PPM1J: variants seen among roughly 807,000 people sequenced by gnomAD.
The protein encoded by PPM1J is protein phosphatase, Mg2+/Mn2+ dependent 1J, also known as protein phosphatase 1J.
Under a neutral mutation model 53.3 loss-of-function variants are expected in PPM1J, and 43 were observed. The observed-to-expected ratio is 0.81, with a 90% CI of 0.63 to 1.04. PPM1J has a LOEUF of 1.04. Among genes scored for constraint, PPM1J ranks in the 50% least tolerant of loss-of-function variants. The probability of loss-of-function intolerance (pLI) is 0.00; values close to 1 mark genes in which losing one functional copy is unlikely to be tolerated. For synonymous variants in PPM1J, 267 were observed against 286.4 expected (o/e 0.93, Z 0.68); for missense variants, 635 against 685.9 (o/e 0.93, Z 0.83).
rs36095892 is a variant in PPM1J at position 112,713,064 on chromosome 1, T to TTGTGTG, written c.442-39_442-34dup. On this transcript the variant is annotated intron_variant, in intron 2 of 9. Coordinates refer to ENST00000309276, the MANE Select transcript of PPM1J (RefSeq NM_005167.7). ...AGGAAAAGTTGGAGGTGAGTTTTGTTTGTGTGTGTGTGTGTGTGTGTGTGT... is the reference window on the plus strand; with the variant it reads ...AGGAAAAGTTGGAGGTGAGTTTTGTTTGTGTGTGTGTGTGTGTGTGTGTGTGTGTGT... 9,441 of 1,031,526 alleles carry TTGTGTG rather than the reference T, an allele frequency of 9.2e-3. 201 individuals are homozygous for TTGTGTG. Among genetic ancestry groups the TTGTGTG allele is most frequent in the African/African-American group, 0.083 (5,076 of 61,240 alleles). 63.9% of individuals were successfully genotyped at this position (1,031,526 alleles called of 1,614,324 possible).
At chr1:112,714,800 T>A in intron 1 of PPM1J, 176 bp downstream of exon 1, 1 of 1,268,908 alleles carries the variant, frequency 7.9e-7, no homozygotes, top group East Asian at 3.2e-5. Flanking sequence ...TGCCCCCCAC[T>A]GGAAAATGGG....
Position 112,713,026 on chromosome 1 carries a change from G to C in PPM1J, c.447C>G (p.Leu149=). Residue 149 remains leucine (L), a synonymous_variant, in exon 3 of 10, where the codon CTC becomes CTG. Coordinates refer to ENST00000309276, the MANE Select transcript of PPM1J (RefSeq NM_005167.7). ...VPREPSRGQG[L]CFYYWGLFDG... ...CAAATAGGCCCCAGTAGTAGAAGCAGAGTCCCTGGTGGAGGAAAAGTTGGA... is the reference window on the plus strand; with the variant it reads ...CAAATAGGCCCCAGTAGTAGAAGCACAGTCCCTGGTGGAGGAAAAGTTGGA... 6.3e-7 allele frequency: 1 copy of C among 1,597,112 alleles called. No homozygotes were observed. Among genetic ancestry groups the C allele is most frequent in the African/African-American group, 1.3e-5 (1 of 74,530 alleles).
chr1:112,715,135 GTCGCGCTCCCGCTCCCAGCCT>G lies in PPM1J; in HGVS notation c.146_166del (p.Lys49_Ala55del). The G allele has an allele frequency of 6.5e-7, 1 of 1,550,198 alleles. No homozygotes were observed. The highest frequency in any genetic ancestry group is 1.2e-5 in the South Asian group (1 of 85,312). ...TCGAGCCTCAACAGCCTTCGCGGGC[GTCGCGCTCCCGCTCCCAGCCT>G]TCGCGGGAGGGCTCCTGGGCGCTTC... On this transcript the variant is annotated inframe_deletion, in exon 1 of 10. Transcript: ENST00000309276. This position sits in a 1 kb window ranked among gnomAD's most constrained non-coding sequence, Gnocchi z 4.4.
At chr1:112,714,953 T>C (rs1675161734) in intron 1 of PPM1J, 23 bp downstream of exon 1, 2 of 1,367,470 alleles carry the variant, frequency 1.5e-6, no homozygotes, top group Middle Eastern at 2.2e-4. Flanking sequence ...CATCCTGGTT[T>C]GGGTGCCCCA....
chr1:112,714,943 C>T, intron 1 of PPM1J, 33 bp downstream of exon 1: 1 of 1,351,056 alleles, frequency 7.4e-7, no homozygotes, highest in East Asian at 3.1e-5. Flanking sequence ...GTGGGAGCCC[C>T]ATCCTGGTTT....
chr1:112,712,937 TCTCG>T lies in PPM1J; in HGVS notation c.532_535del (p.Arg178SerfsTer3). On this transcript the variant is annotated frameshift_variant, in exon 3 of 10. Transcript: ENST00000309276. LOFTEE classifies it high-confidence loss of function. Reference sequence around the variant, plus strand: ...TATCTCTACCAGGTCCTTTAGCTGCTCTCGGATATGGCGATGCAGGAGCCGTGAG... The same window carrying T: ...TATCTCTACCAGGTCCTTTAGCTGCTGATATGGCGATGCAGGAGCCGTGAG... The T allele has an allele frequency of 6.2e-7, 1 of 1,613,924 alleles. No homozygotes were observed. Among genetic ancestry groups the T allele is most frequent in the Non-Finnish European group, 8.5e-7 (1 of 1,179,994 alleles).
rs1675101490 is a variant in PPM1J, at chr1:112,712,920, C to T, written c.553G>A (p.Val185Ile). 2 of 1,614,000 alleles carry T rather than the reference C, an allele frequency of 1.2e-6. No individual in the cohort carries two copies. The highest frequency in any genetic ancestry group is 2.7e-5 in the African/African-American group (2 of 75,026). Residue 185 changes from valine to isoleucine, a missense_variant, in exon 3 of 10, where the codon GTA becomes ATA. By Grantham distance (29) the Val-to-Ile change is conservative. Transcript: ENST00000309276. Reference sequence around the variant, plus strand: ...GGCGAAGGGTCCTGAAGTATCTCTACCAGGTCCTTTAGCTGCTCTCGGATA... The same window carrying T: ...GGCGAAGGGTCCTGAAGTATCTCTATCAGGTCCTTTAGCTGCTCTCGGATA... ...RHIREQLKDL[V>I]EILQDPSPPP... is the part of the protein sequence containing the mutation.
In PPM1J at chr1:112,710,774, G is replaced by A; in HGVS notation, c.1188C>T (p.Pro396=). ...HSLKVCSSTL[P]IKPFLSCFPE... is the part of the protein sequence containing the mutation. ...GGAAGCAGGAGAGAAAGGGCTTGAT[G>A]GGCAGGGTGGAACTGCAGACCTTAA... Residue 396 remains proline, a synonymous_variant, in exon 8 of 10, where the codon CCC becomes CCT. Coordinates refer to ENST00000309276, the MANE Select transcript of PPM1J (RefSeq NM_005167.7). The A allele has an allele frequency of 6.2e-7, 1 of 1,614,088 alleles. No individual in the cohort carries two copies.
In PPM1J at chr1:112,715,311, C is replaced by G. The variant is rs1675177059; in HGVS notation, c.-10G>C. 2 of 1,241,052 alleles carry G rather than the reference C, an allele frequency of 1.6e-6. No homozygotes were observed. Among genetic ancestry groups the G allele is most frequent in the Non-Finnish European group, 2.0e-6 (2 of 993,484 alleles). The allele number at this position is 1,241,052 out of a possible 1,614,324, so 76.9% of individuals were successfully genotyped here. ...GCACCCGGTTTAGCATGCTGCCTCC[C>G]TGCCCCGCCCTCGGCCGCGGCCCCG... On this transcript the variant is annotated 5_prime_UTR_variant, in exon 1 of 10. Transcript: ENST00000309276. This position sits in a 1 kb window ranked among gnomAD's most constrained non-coding sequence, Gnocchi z 4.4.
At position 112,715,264 on chromosome 1, in the gene PPM1J, A is replaced by T; in HGVS notation, c.38T>A (p.Val13Glu). 1 of 1,344,752 alleles carries T rather than the reference A, an allele frequency of 7.4e-7. No homozygotes were observed. The highest frequency in any genetic ancestry group is 9.5e-7 in the Non-Finnish European group (1 of 1,054,522). The allele number at this position is 1,344,752 out of a possible 1,614,324, so 83.3% of individuals were successfully genotyped here. Residue 13 changes from valine (V) to glutamate (E), a missense_variant, in exon 1 of 10, where the codon GTG becomes GAG. Val to Glu is a moderately radical substitution (Grantham distance 121, BLOSUM62 -2). Coordinates refer to ENST00000309276, the MANE Select transcript of PPM1J (RefSeq NM_005167.7). The surrounding 1 kb of genome is among the most constrained non-coding windows in gnomAD (Gnocchi z 4.4). ...NRVRSAVAHL[V>E]SSGGAPPPRP... Reference sequence around the variant, plus strand: ...CGGAGGCGGAGCGCCCCCGGAGCTCACCAGGTGCGCCACGGCCGAGCGCAC... The same window carrying T: ...CGGAGGCGGAGCGCCCCCGGAGCTCTCCAGGTGCGCCACGGCCGAGCGCAC...
At position 112,711,077 on chromosome 1, in the gene PPM1J, G is replaced by A. The variant is rs1002318508; in HGVS notation, c.1047-6C>T. ...GCTCGATCTTTTTGTAGGCCCTGGG[G>A]AGGGGGGAGTAGAGGAGGCATCACC... On this transcript the variant is annotated splice_polypyrimidine_tract_variant and splice_region_variant and intron_variant, in intron 6 of 9. Coordinates refer to ENST00000309276, the MANE Select transcript of PPM1J (RefSeq NM_005167.7). 3.7e-6 allele frequency: 6 copies of A among 1,613,870 alleles called. No individual in the cohort carries two copies. Among genetic ancestry groups the A allele is most frequent in the South Asian group, 1.1e-5 (1 of 91,072 alleles).
chr1:112,710,726 G>T lies in PPM1J; in HGVS notation c.1218+18C>A, dbSNP rs1248011029. ...CTGAGACTCCCAGAGAAGGCAAGGT[G>T]TGGTTTAAGGGGCTCACCTCAGGGA... On this transcript the variant is annotated intron_variant, in intron 8 of 9. Coordinates refer to ENST00000309276, the MANE Select transcript of PPM1J (RefSeq NM_005167.7). 6.2e-7 allele frequency: 1 copy of T among 1,613,088 alleles called. No individual in the cohort carries two copies. Among genetic ancestry groups the T allele is most frequent in the African/African-American group, 1.3e-5 (1 of 74,914 alleles).
intron 9 of PPM1J, 23 bp from the exon 10 acceptor site, chr1:112,710,333 T>C: frequency 6.2e-7 from 1 of 1,613,196 alleles, no homozygotes; most frequent in Non-Finnish European, 8.5e-7. Context: ...CACATGCACA[T>C]TCATGTACCA....
rs767227917 is a variant in PPM1J at position 112,712,967 on chromosome 1, G to T, written c.506C>A (p.Ala169Asp). 2 of 1,613,736 alleles carry T rather than the reference G, an allele frequency of 1.2e-6. No homozygotes were observed. Among genetic ancestry groups the T allele is most frequent in the South Asian group, 2.2e-5 (2 of 91,058 alleles). Residue 169 changes from alanine to aspartate, a missense_variant, in exon 3 of 10, where the codon GCC becomes GAC. Transcript: ENST00000309276. ...GHAGGGAAEM[A>D]SRLLHRHIRE... The stretch of plus-strand genomic sequence containing the variant: ...GATATGGCGATGCAGGAGCCGTGAG[G>T]CCATTTCAGCAGCTCCGCCCCCTGC...
intron 9 of PPM1J, 57 bp downstream of exon 9, chr1:112,710,403 C>T: frequency 6.2e-7 from 1 of 1,611,592 alleles, no homozygotes; most frequent in Non-Finnish European, 8.5e-7. Context: ...CATTGCTTCC[C>T]TTTGACCCTT....
intron 5 of PPM1J, 67 bp downstream of exon 5, chr1:112,711,904 G>A (rs1675072210): frequency 1.8e-6 from 2 of 1,133,394 alleles, no homozygotes. Context: ...AGTTCTCAGG[G>A]CCATGGGGTG....
intron 6 of PPM1J, 85 bp downstream of exon 6, chr1:112,711,181 C>G: frequency 6.8e-7 from 1 of 1,461,604 alleles, no homozygotes; most frequent in East Asian, 2.3e-5. Flanking sequence ...CTCCCAACTC[C>G]CAGCCTCCAG....
chr1:112,714,924 G>T, intron 1 of PPM1J, 52 bp downstream of exon 1: 1 of 1,341,248 alleles, frequency 7.5e-7, no homozygotes, highest in South Asian at 1.8e-5. Flanking sequence ...TGCGGAGCTG[G>T]GGAGAGGGGT....
chr1:112,713,535 T>C lies in PPM1J; in HGVS notation c.403A>G (p.Ser135Gly). 1 of 1,614,068 alleles carries C rather than the reference T, an allele frequency of 6.2e-7. No homozygotes were observed. The highest frequency in any genetic ancestry group is 8.5e-7 in the Non-Finnish European group (1 of 1,180,004). The change falls in exon 2 of 10, where the codon AGT becomes GGT. Residue 135 changes from serine to glycine, a missense_variant. Transcript: ENST00000309276. ...GGCTCCCTAGGTACTCCTGTAACACTCCTCCGACCTTCCACATACACCACT... is the reference window on the plus strand; with the variant it reads ...GGCTCCCTAGGTACTCCTGTAACACCCCTCCGACCTTCCACATACACCACT... ...CEVVYVEGRRSVTGVPREPSR... is the reference protein window; with the variant it reads ...CEVVYVEGRRGVTGVPREPSR...
Sources: allele counts gnomAD v4.1 joint callset, GRCh38; gene constraint gnomAD v4.1.1; non-coding constraint Gnocchi (gnomAD v3.1); transcripts MANE v1.5; gene names NCBI Gene and HGNC (gene_info 2026-07-23, HGNC 2026-07-21).